WDR36: variants seen among roughly 807,000 people sequenced by gnomAD.
WDR36 encodes the protein WD repeat-containing protein 36.
Under a neutral mutation model 112.7 loss-of-function variants are expected in WDR36, and 63 were observed. The ratio of observed to expected loss-of-function variants is 0.56; its 90% CI spans 0.46 to 0.69. The LOEUF (loss-of-function observed/expected upper bound fraction) is 0.69, where lower values mean the gene tolerates loss of function less well. Ranked by LOEUF, WDR36 falls within the 30% of genes least tolerant of loss-of-function variation. The probability of loss-of-function intolerance (pLI) is 0.00; values close to 1 mark genes in which losing one functional copy is unlikely to be tolerated. For synonymous variants in WDR36, 410 were observed against 362.2 expected (o/e 1.13, Z -1.50); for missense variants, 1,226 against 1,070.3 (o/e 1.15, Z -2.03).
chr5:111,102,483 G>A (rs375990933), intron 6 of WDR36, 84 bp downstream of exon 6: 99 of 1,352,502 alleles, frequency 7.3e-5, no homozygotes, highest in African/African-American at 6.3e-4. Flanking sequence ...AATTTTAGAC[G>A]TAAAGACGAA....
chr5:111,103,810 AT>A lies in WDR36; in HGVS notation c.624del (p.Ile208MetfsTer19), dbSNP rs1753167730. 1 of 1,610,296 alleles carries A rather than the reference AT, an allele frequency of 6.2e-7. No individual in the cohort carries two copies. Among genetic ancestry groups the A allele is most frequent in the African/African-American group, 1.3e-5 (1 of 74,698 alleles). On this transcript the variant is annotated frameshift_variant, in exon 7 of 23. Coordinates refer to ENST00000513710, the MANE Select transcript of WDR36 (RefSeq NM_139281.3). LOFTEE classifies it high-confidence loss of function. ...QQAPAVDVVA[I>X]GLMSGQVIIH... ...GGCACCAGCCGTGGATGTTGTTGCT[AT>A]TGGTCTTATGTCAGGTCAAGTTATC...
chr5:111,092,746 A>G (rs879352789), intron 1 of WDR36, 128 bp downstream of exon 1: 2 of 1,187,624 alleles, frequency 1.7e-6, no homozygotes, highest in Non-Finnish European at 1.2e-6. Context: ...TCCCTGTCCT[A>G]TTAATATTTC....
rs760274851 is a variant in WDR36 at position 111,092,348 on chromosome 5, G to A, written c.-109G>A. 4 of 1,614,238 alleles carry A rather than the reference G, an allele frequency of 2.5e-6. No individual in the cohort carries two copies. The Admixed American group carries it at 6.7e-5, about 27-fold the overall frequency. On this transcript the variant is annotated 5_prime_UTR_variant, in exon 1 of 23. Coordinates refer to ENST00000513710, the MANE Select transcript of WDR36 (RefSeq NM_139281.3). ...ATTCGCAGCGGGCGCCGGAAGCGGTGTTGTGTCTGCAGCTCTGGCAGAGGA... is the reference window on the plus strand; with the variant it reads ...ATTCGCAGCGGGCGCCGGAAGCGGTATTGTGTCTGCAGCTCTGGCAGAGGA...
chr5:111,120,895 G>T, intron 18 of WDR36, 101 bp from the exon 19 acceptor site: 1 of 1,027,340 alleles, frequency 9.7e-7, no homozygotes, highest in South Asian at 1.4e-5. Context: ...CTACAAGGCT[G>T]CATTAAATGA....
intron 19 of WDR36, among the ~76,000 whole-genome samples, chr5:111,122,240 T>G (rs1753581977): frequency 6.6e-6 from 1 of 152,038 alleles, no homozygotes; most frequent in African/African-American, 2.4e-5. Context: ...TACAAATAGA[T>G]TAGTGTGAGG....
At chr5:111,113,198 G>C (rs774316923) in intron 16 of WDR36, 45 bp downstream of exon 16, 3 of 1,258,446 alleles carry the variant, frequency 2.4e-6, no homozygotes, top group East Asian at 4.8e-5. Flanking sequence ...AGATTTCTAA[G>C]TTATTTTTTT....
intron 11 of WDR36, 73 bp downstream of exon 11, chr5:111,106,216 T>A: frequency 7.6e-7 from 1 of 1,318,554 alleles, no homozygotes; most frequent in Non-Finnish European, 1.1e-6. Context: ...TGTTTTATTT[T>A]CTGTTTTAAT....
At position 111,129,114 on chromosome 5, in the gene WDR36, C is replaced by T; in HGVS notation, c.*2231C>T. 5.0e-6 allele frequency: 1 copy of T among 198,192 alleles called. No individual in the cohort carries two copies. The highest frequency in any genetic ancestry group is 6.0e-5 in the Admixed American group (1 of 16,546). The allele number at this position is 198,192 out of a possible 1,614,324, so 12.3% of individuals were successfully genotyped here. Reference sequence around the variant, plus strand: ...ATTCACATTTACCTAATCTCTTGTGCACTGTCCAACAGTACTTTGCCTATA... The same window carrying T: ...ATTCACATTTACCTAATCTCTTGTGTACTGTCCAACAGTACTTTGCCTATA... On this transcript the variant is annotated 3_prime_UTR_variant, in exon 23 of 23. Transcript: ENST00000513710.
At position 111,111,065 on chromosome 5, in the gene WDR36, C is replaced by T. The variant is rs565579666; in HGVS notation, c.1608-105C>T. Reference sequence around the variant, plus strand: ...CTCTTTAATAAAGAACAACATTTGGCTTAATTTCCCCCAAAGTGTACTTGA... The same window carrying T: ...CTCTTTAATAAAGAACAACATTTGGTTTAATTTCCCCCAAAGTGTACTTGA... On this transcript the variant is annotated intron_variant, in intron 14 of 22. Coordinates refer to ENST00000513710, the MANE Select transcript of WDR36 (RefSeq NM_139281.3). 8.0e-5 allele frequency: 124 copies of T among 1,548,460 alleles called. 1 individual carries two copies. In the African/African-American group the frequency reaches 1.4e-3, roughly 18 times the overall value.
chr5:111,123,828 A>G lies in WDR36; in HGVS notation c.2172A>G (p.Pro724=), dbSNP rs766397092. 3 of 1,613,814 alleles carry G rather than the reference A, an allele frequency of 1.9e-6. No homozygotes were observed. Among genetic ancestry groups the G allele is most frequent in the South Asian group, 1.1e-5 (1 of 91,074 alleles). Residue 724 remains proline (P), a synonymous_variant, in exon 20 of 23, where the codon CCA becomes CCG. Transcript: ENST00000513710. The part of the protein sequence containing the change: ...VIKKKNKPKE[P]PKVPKSAPFF... ...AGAAAAAGAATAAACCAAAGGAACC[A>G]CCCAAAGTACCCAAATCAGCACCAT...
chr5:111,115,917 T>G (rs1165522371), intron 16 of WDR36, among the ~76,000 whole-genome samples: 1 of 152,160 alleles, frequency 6.6e-6, no homozygotes, highest in Non-Finnish European at 1.5e-5. Flanking sequence ...TTGTTTTTGA[T>G]CTAATAGAAA....
rs1407675700 is a variant in WDR36 at position 111,127,947 on chromosome 5, A to G, written c.*1064A>G. Reference sequence around the variant, plus strand: ...TGTTTTTTTTTTTTTTTTTTTGGCTACACTTTTTTGGGGGGGACCTTTTAA... The same window carrying G: ...TGTTTTTTTTTTTTTTTTTTTGGCTGCACTTTTTTGGGGGGGACCTTTTAA... On this transcript the variant is annotated 3_prime_UTR_variant, in exon 23 of 23. Coordinates refer to ENST00000513710, the MANE Select transcript of WDR36 (RefSeq NM_139281.3). 6.0e-6 allele frequency: 1 copy of G among 166,994 alleles called. No homozygotes were observed. The highest frequency in any genetic ancestry group is 2.3e-4 in the South Asian group (1 of 4,392). 10.3% of individuals were successfully genotyped at this position (166,994 alleles called of 1,614,324 possible).
At chr5:111,096,171 G>T (rs1416380746) in intron 2 of WDR36, among the ~76,000 whole-genome samples, 2 of 152,162 alleles carry the variant, frequency 1.3e-5, no homozygotes, top group Non-Finnish European at 2.9e-5. Flanking sequence ...GAAAAGGTCA[G>T]TGTGACCAGG....
Position 111,094,913 on chromosome 5 carries a change from T to A in WDR36, c.163-7T>A. ...TGAAAATTTAACCTTTTTTCTTTTT[T>A]AAACAGGTTCAGAAACTTAGTCTGG... On this transcript the variant is annotated splice_region_variant and splice_polypyrimidine_tract_variant and intron_variant, in intron 1 of 22. Coordinates refer to ENST00000513710, the MANE Select transcript of WDR36 (RefSeq NM_139281.3). 1 of 1,600,916 alleles carries A rather than the reference T, an allele frequency of 6.2e-7. No homozygotes were observed. The highest frequency in any genetic ancestry group is 8.5e-7 in the Non-Finnish European group (1 of 1,171,484).
At chr5:111,122,023 G>C (rs1240779755) in intron 19 of WDR36, among the ~76,000 whole-genome samples, 3 of 152,036 alleles carry the variant, frequency 2.0e-5, no homozygotes, top group Non-Finnish European at 2.9e-5. Context: ...TGTGTGTCTT[G>C]GGTAAGGAAA....
intron 6 of WDR36, among the ~76,000 whole-genome samples, chr5:111,102,675 A>T (rs550935836): frequency 6.6e-6 from 1 of 151,720 alleles, no homozygotes; most frequent in South Asian, 2.1e-4. Flanking sequence ...TTGCAAGTAT[A>T]TGTAGTCCAT....
chr5:111,110,706 A>G, intron 13 of WDR36, 82 bp from the exon 14 acceptor site: 1 of 1,442,404 alleles, frequency 6.9e-7, no homozygotes, highest in Non-Finnish European at 9.6e-7. Context: ...ACATATTTGA[A>G]TGAAGGAATC....
intron 11 of WDR36, among the ~76,000 whole-genome samples, chr5:111,106,533 T>C (rs1229384279): frequency 1.3e-5 from 2 of 151,454 alleles, no homozygotes; most frequent in Non-Finnish European, 3.0e-5. Context: ...ATTTGACCTG[T>C]GCCACTTTCA....
intron 21 of WDR36, 67 bp downstream of exon 21, chr5:111,124,256 T>C (rs1753630845): frequency 2.3e-6 from 3 of 1,329,428 alleles, no homozygotes; most frequent in East Asian, 5.0e-5. Context: ...GAGGAGAAAT[T>C]GAAGGAAATA....
Sources: gnomAD v4.1 joint callset for allele counts (sites outside exome capture counted in the v4.1 genomes callset) on GRCh38, gnomAD v4.1.1 for gene constraint, MANE v1.5 for transcripts, NCBI Gene and HGNC (gene_info 2026-07-23, HGNC 2026-07-21) for gene names.